PPP1R12B: variants seen among roughly 807,000 people sequenced by gnomAD.
PPP1R12B encodes the protein myosin phosphatase target subunit 2.
Under a neutral mutation model 126.1 loss-of-function variants are expected in PPP1R12B, and 76 were observed. The observed-to-expected ratio is 0.60, with a 90% CI of 0.50 to 0.73. The LOEUF is 0.73. PPP1R12B is among the 30% of genes least tolerant of loss of function. PPP1R12B has a pLI of 0.00. For missense variants in PPP1R12B, 1,052 were observed against 1,205.1 expected, an observed-to-expected ratio of 0.87 and a Z score of 1.88; for synonymous variants, 356 against 434.7, an observed-to-expected ratio of 0.82 and a Z score of 2.25.
intron 21 of PPP1R12B, 178 bp from the exon 22 acceptor site, chr1:202,567,600 G>A: frequency 1.6e-6 from 1 of 618,144 alleles, no homozygotes; most frequent in East Asian, 2.8e-5. Context: ...TCAGAGAGGT[G>A]ATAATGTTAG....
At chr1:202,497,325 GA>G (rs1558302697) in intron 18 of PPP1R12B, among the ~76,000 whole-genome samples, 1 of 152,178 alleles carries the variant, frequency 6.6e-6, no homozygotes, top group Non-Finnish European at 1.5e-5. Flanking sequence ...TCCCTGCAGT[GA>G]AAGGCCTAAG....
At chr1:202,381,562 C>T (rs1662291701) in intron 1 of PPP1R12B, among the ~76,000 whole-genome samples, 1 of 152,028 alleles carries the variant, frequency 6.6e-6, no homozygotes, top group African/African-American at 2.4e-5. Context: ...AGTGTTTTTC[C>T]TAAGCTAATA....
At chr1:202,402,050 T>C (rs1390974480) in intron 1 of PPP1R12B, among the ~76,000 whole-genome samples, 2 of 152,344 alleles carry the variant, frequency 1.3e-5, no homozygotes, top group African/African-American at 4.8e-5. Context: ...AAGTAAGCAC[T>C]TACCATCAAA....
At chr1:202,373,167 C>T (rs1660595371) in intron 1 of PPP1R12B, among the ~76,000 whole-genome samples, 1 of 152,088 alleles carries the variant, frequency 6.6e-6, no homozygotes, top group Admixed American at 6.6e-5. Flanking sequence ...AACTCCTGAC[C>T]TCAAGTGATC....
At chr1:202,524,891 T>C (rs1160689757) in intron 18 of PPP1R12B, among the ~76,000 whole-genome samples, 2 of 152,188 alleles carry the variant, frequency 1.3e-5, no homozygotes, top group African/African-American at 4.8e-5. Flanking sequence ...TATTTTTTTA[T>C]TTTTTGGACA....
At chr1:202,364,811 C>T (rs1490382451) in intron 1 of PPP1R12B, among the ~76,000 whole-genome samples, 1 of 152,026 alleles carries the variant, frequency 6.6e-6, no homozygotes, top group Non-Finnish European at 1.5e-5. Flanking sequence ...CTCCTGACCT[C>T]GTGATGGGCC....
intron 18 of PPP1R12B, among the ~76,000 whole-genome samples, chr1:202,553,554 A>G (rs1686540899): frequency 6.6e-6 from 1 of 152,228 alleles, no homozygotes; most frequent in African/African-American, 2.4e-5. Context: ...CAGATAAGCT[A>G]TTCAGACTCT....
intron 18 of PPP1R12B, among the ~76,000 whole-genome samples, chr1:202,504,120 C>T (rs184588756): frequency 7.9e-4 from 120 of 152,174 alleles, no homozygotes; most frequent in Non-Finnish European, 9.0e-4. Flanking sequence ...TGAGGCCGGC[C>T]GTAGTGGCTC....
chr1:202,417,238 G>A, intron 2 of PPP1R12B: 1 of 985,304 alleles, frequency 1.0e-6, no homozygotes, highest in Non-Finnish European at 1.2e-6. Flanking sequence ...TATACAGGCA[G>A]GCCTGGAGAT....
intron 11 of PPP1R12B, among the ~76,000 whole-genome samples, 194 bp downstream of exon 11, chr1:202,440,982 A>G (rs1671533245): frequency 2.0e-5 from 3 of 152,126 alleles, no homozygotes. Flanking sequence ...TTCAAATTCT[A>G]ACTCCAGGTT....
At chr1:202,432,712 C>A (rs1315747193) in intron 8 of PPP1R12B, among the ~76,000 whole-genome samples, 1 of 152,162 alleles carries the variant, frequency 6.6e-6, no homozygotes, top group Non-Finnish European at 1.5e-5. Flanking sequence ...GAATAGTGTA[C>A]CTAAGCCCCA....
chr1:202,500,514 T>C (rs1680106295), intron 18 of PPP1R12B, among the ~76,000 whole-genome samples: 1 of 152,202 alleles, frequency 6.6e-6, no homozygotes, highest in Admixed American at 6.5e-5. Context: ...TCATGTTCTC[T>C]CTCATATGTA....
intron 18 of PPP1R12B, among the ~76,000 whole-genome samples, chr1:202,505,650 T>G (rs575508154): frequency 6.6e-6 from 1 of 152,154 alleles, no homozygotes; most frequent in Non-Finnish European, 1.5e-5. Context: ...GATTGCGCTG[T>G]GGAGTTAGAA....
intron 23 of PPP1R12B, 95 bp downstream of exon 23, chr1:202,569,292 C>A (rs907529064): frequency 1.8e-4 from 225 of 1,236,492 alleles, no homozygotes; most frequent in Non-Finnish European, 2.4e-4. Context: ...CCAGATTTCA[C>A]TACAAACTCA....
chr1:202,588,024 G>GGAAA lies in PPP1R12B; in HGVS notation c.*7468_*7471dup, dbSNP rs1211903150. The GGAAA allele has an allele frequency of 1.3e-5, 2 of 151,870 alleles. No individual in the cohort carries two copies. Among genetic ancestry groups the GGAAA allele is most frequent in the African/African-American group, 4.8e-5 (2 of 41,400 alleles). The allele number at this position is 151,870 out of a possible 1,614,324, so 9.4% of individuals were successfully genotyped here. A position where few individuals can be genotyped will look rare whatever the true frequency, so the allele number is the denominator to read the frequency against. On this transcript the variant is annotated 3_prime_UTR_variant, in exon 24 of 24. Transcript: ENST00000608999. ...GGCAATGATTTCCCTGCAGAAGGAAGGAAAGAATGTTTCACCCTTGCATCC... is the reference window on the plus strand; with the variant it reads ...GGCAATGATTTCCCTGCAGAAGGAAGGAAAGAAAGAATGTTTCACCCTTGCATCC...
At position 202,439,726 on chromosome 1, in the gene PPP1R12B, G is replaced by C. The variant is rs546123435; in HGVS notation, c.1459-980G>C. ...GGTTGTGCAGCCCAGCCAGCAGGAG[G>C]GACTGAGGCCCTCTAGGAGGAATGC... is the stretch of plus-strand genomic sequence containing the variant. On this transcript the variant is annotated intron_variant, in intron 10 of 23. Coordinates refer to ENST00000608999, the MANE Select transcript of PPP1R12B (RefSeq NM_002481.4). 1.2e-5 allele frequency: 7 copies of C among 574,894 alleles called. No homozygotes were observed. In the South Asian group the frequency reaches 1.4e-4, roughly 11 times the overall value. 35.6% of individuals were successfully genotyped at this position (574,894 alleles called of 1,614,324 possible).
chr1:202,444,753 G>C (rs1220331357), intron 12 of PPP1R12B, among the ~76,000 whole-genome samples: 3 of 151,932 alleles, frequency 2.0e-5, no homozygotes, highest in Admixed American at 6.6e-5. Context: ...CTACTTTCCT[G>C]CTTTCCCTCA....
At chr1:202,361,165 T>C (rs146089568) in intron 1 of PPP1R12B, among the ~76,000 whole-genome samples, 3,466 of 152,266 alleles carry the variant, frequency 0.023, 135 homozygotes, top group African/African-American at 0.078. Flanking sequence ...AGTGTTGGGA[T>C]TACAGTTGTG....
At chr1:202,492,214 A>T (rs1678969728) in intron 14 of PPP1R12B, among the ~76,000 whole-genome samples, 1 of 152,170 alleles carries the variant, frequency 6.6e-6, no homozygotes, top group Non-Finnish European at 1.5e-5. Context: ...GTCTTCTTAC[A>T]TCTTTTCTGC....
Sources: allele counts gnomAD v4.1 joint callset (sites outside exome capture counted in the v4.1 genomes callset), GRCh38; gene constraint gnomAD v4.1.1; transcripts MANE v1.5; gene names NCBI Gene and HGNC (gene_info 2026-07-23, HGNC 2026-07-21).